Variants in PIGL observed in about 807,000 individuals in gnomAD.
The protein encoded by PIGL is phosphatidylinositol glycan anchor biosynthesis class L.
In PIGL, 22 loss-of-function variants were observed where a neutral mutation model predicts 31.1. The ratio of observed to expected loss-of-function variants is 0.71; its 90% CI spans 0.51 to 1.01. The LOEUF is 1.01. PIGL is among the 50% of genes least tolerant of loss of function. The pLI is 0.00. For missense variants in PIGL, 302 were observed against 315.9 expected (o/e 0.96, Z 0.33); for synonymous variants, 131 against 117.4 (o/e 1.12, Z -0.75).
intron 1 of PIGL, among the ~76,000 whole-genome samples, chr17:16,223,200 C>A (rs531340013): frequency 6.6e-6 from 1 of 152,174 alleles, no homozygotes; most frequent in East Asian, 1.9e-4. Context: ...ACTAAAATAC[C>A]TACTAATAGA....
chr17:16,319,821 A>G (rs904107557), intron 6 of PIGL, among the ~76,000 whole-genome samples: 1 of 151,756 alleles, frequency 6.6e-6, no homozygotes, highest in Non-Finnish European at 1.5e-5. Context: ...AGGAAGAGCT[A>G]GGCCAGCTCA....
intron 3 of PIGL, among the ~76,000 whole-genome samples, chr17:16,302,933 C>G (rs1020897998): frequency 6.6e-6 from 1 of 152,148 alleles, no homozygotes; most frequent in Non-Finnish European, 1.5e-5. Context: ...CCAAAATCCT[C>G]TATAATCTGA....
intron 2 of PIGL, among the ~76,000 whole-genome samples, chr17:16,284,915 C>T (rs931524321): frequency 7.9e-5 from 12 of 152,162 alleles, no homozygotes; most frequent in Non-Finnish European, 1.0e-4. Context: ...ATTGATAAAT[C>T]GACTCTGTCT....
intron 2 of PIGL, among the ~76,000 whole-genome samples, chr17:16,262,117 A>G (rs539313061): frequency 6.6e-6 from 1 of 152,050 alleles, no homozygotes; most frequent in Non-Finnish European, 1.5e-5. Context: ...CATCTACTCA[A>G]GAGGCTGAGG....
intron 2 of PIGL, among the ~76,000 whole-genome samples, chr17:16,274,003 G>A (rs1015083156): frequency 2.0e-5 from 3 of 152,184 alleles, no homozygotes; most frequent in Non-Finnish European, 4.4e-5. Flanking sequence ...GCAAACTGAT[G>A]GCCTCCATCG....
intron 2 of PIGL, among the ~76,000 whole-genome samples, chr17:16,291,882 G>T (rs565609520): frequency 1.3e-5 from 2 of 151,234 alleles, no homozygotes; most frequent in Non-Finnish European, 2.9e-5. Flanking sequence ...AAAGAAAAAA[G>T]AAAATAGGGC....
At chr17:16,222,157 TTGTAA>T (rs990668941) in intron 1 of PIGL, among the ~76,000 whole-genome samples, 2 of 152,088 alleles carry the variant, frequency 1.3e-5, no homozygotes, top group South Asian at 4.1e-4. Flanking sequence ...AGCTATTAAT[TTGTAA>T]TGTAATGAAA....
intron 2 of PIGL, among the ~76,000 whole-genome samples, chr17:16,250,173 C>G (rs2092765200): frequency 6.6e-6 from 1 of 152,126 alleles, no homozygotes; most frequent in African/African-American, 2.4e-5. Flanking sequence ...TCTCGAACTC[C>G]TGACCTCAGG....
intron 1 of PIGL, among the ~76,000 whole-genome samples, chr17:16,222,222 G>A (rs2092632600): frequency 6.6e-6 from 1 of 151,970 alleles, no homozygotes; most frequent in South Asian, 2.1e-4. Flanking sequence ...ATGGAAAAAA[G>A]CATTAAATCT....
At chr17:16,319,922 C>T (rs1397094058) in intron 6 of PIGL, among the ~76,000 whole-genome samples, 1 of 151,786 alleles carries the variant, frequency 6.6e-6, no homozygotes, top group East Asian at 2.0e-4. Context: ...GAGAATTATT[C>T]CTCAGTTTGT....
Position 16,241,452 on chromosome 17 carries a change from G to A in PIGL, c.335+7382G>A, listed in dbSNP as rs150333881. ...AAAAATACAAAATTAGCCGTGTGTG[G>A]TGGTGCATGGAGGCTGAGGCAGGAG... is the stretch of plus-strand genomic sequence containing the variant. On this transcript the variant is annotated intron_variant, in intron 2 of 6. Coordinates refer to ENST00000225609, the MANE Select transcript of PIGL (RefSeq NM_004278.4). 4.1e-3 allele frequency among the ~76,000 whole-genome samples: 620 copies of A among 151,722 alleles called. 6 individuals are homozygous for A. The highest frequency in any genetic ancestry group is 0.015 in the African/African-American group (600 of 41,354).
At chr17:16,256,233 T>C (rs1236066042) in intron 2 of PIGL, among the ~76,000 whole-genome samples, 2 of 152,240 alleles carry the variant, frequency 1.3e-5, no homozygotes, top group Non-Finnish European at 2.9e-5. Flanking sequence ...GTGAACTGTT[T>C]TATAGCCATG....
At position 16,316,838 on chromosome 17, in the gene PIGL, C is replaced by T. The variant is rs755742652; in HGVS notation, c.526+126C>T. On this transcript the variant is annotated intron_variant, in intron 5 of 6. Transcript: ENST00000225609. ...GCAGAGGCAGTGGTTGGGGAGGCCG[C>T]CACACTCTTCCTGACTCACCTCAAG... 4.0e-6 allele frequency: 6 copies of T among 1,507,460 alleles called. No individual in the cohort carries two copies. The Admixed American group carries it at 7.7e-5, about 19-fold the overall frequency. The allele number at this position is 1,507,460 out of a possible 1,614,324, so 93.4% of individuals were successfully genotyped here. A position where few individuals can be genotyped will look rare whatever the true frequency, so the allele number is the denominator to read the frequency against.
In PIGL at chr17:16,310,077, C is replaced by CAA. The variant is rs58352380; in HGVS notation, c.427-3453_427-3452dup. ...TGGGCAACAGAGTGAGACTCCATCT[C>CAA]AAAAAAAAAAAAAAAAAAGAAAGAA... On this transcript the variant is annotated intron_variant, in intron 3 of 6. Transcript: ENST00000225609. 2.4e-3 allele frequency among the ~76,000 whole-genome samples: 213 copies of CAA among 88,450 alleles called. 2 individuals carry two copies. Among genetic ancestry groups the CAA allele is most frequent in the South Asian group, 0.014 (38 of 2,632 alleles). The allele number at this position is 88,450 out of a possible 152,430, so 58.0% of individuals were successfully genotyped here.
intron 1 of PIGL, among the ~76,000 whole-genome samples, chr17:16,218,642 A>T (rs1013205928): frequency 6.6e-6 from 1 of 151,890 alleles, no homozygotes; most frequent in African/African-American, 2.4e-5. Flanking sequence ...TTTGCATTGC[A>T]AAACACATTC....
rs184732375 is a variant in PIGL, at chr17:16,224,910, C to T, written c.235+7449C>T. Among the ~76,000 whole-genome samples the T allele has an allele frequency of 1.9e-4, 29 of 152,320 alleles. 2 individuals are homozygous for T. The highest frequency in any genetic ancestry group is 7.0e-4 in the African/African-American group (29 of 41,582). On this transcript the variant is annotated intron_variant, in intron 1 of 6. Coordinates refer to ENST00000225609, the MANE Select transcript of PIGL (RefSeq NM_004278.4). ...TGACCTCGTGATCCGCCCACCTCAG[C>T]CTCCCAAAGTGCTGGGATTACAGGC...
At chr17:16,235,519 T>C (rs561841488) in intron 2 of PIGL, among the ~76,000 whole-genome samples, 10 of 142,716 alleles carry the variant, frequency 7.0e-5, no homozygotes, top group African/African-American at 2.6e-4. Flanking sequence ...CCATCTCGGC[T>C]CACTGCAACC....
At chr17:16,247,986 C>T (rs977505113) in intron 2 of PIGL, among the ~76,000 whole-genome samples, 1 of 152,094 alleles carries the variant, frequency 6.6e-6, no homozygotes, top group Non-Finnish European at 1.5e-5. Flanking sequence ...CTCCTGGGTT[C>T]AAGCGATTCT....
chr17:16,263,967 G>T (rs1292756411), intron 2 of PIGL, among the ~76,000 whole-genome samples: 1 of 134,834 alleles, frequency 7.4e-6, no homozygotes, highest in Admixed American at 7.8e-5. Context: ...TCAGCCTCCC[G>T]AGTAGCTGGG....
Sources: allele counts gnomAD v4.1 joint callset (sites outside exome capture counted in the v4.1 genomes callset), GRCh38; gene constraint gnomAD v4.1.1; transcripts MANE v1.5; gene names NCBI Gene and HGNC (gene_info 2026-07-23, HGNC 2026-07-21).